The following MIA2 variants were observed in gnomAD, a reference collection of about 807,000 sequenced individuals.
MIA2 encodes the protein melanoma inhibitory activity protein 2.
A neutral mutation model predicts 167.8 loss-of-function variants in MIA2; 127 were observed. The observed-to-expected ratio is 0.76, with a 90% CI of 0.66 to 0.88. The LOEUF is 0.88. MIA2 is among the 40% of genes least tolerant of loss of function. The pLI is 0.00. For synonymous variants in MIA2, 552 were observed against 541.9 expected, an observed-to-expected ratio of 1.02 and a Z score of -0.26; for missense variants, 1,690 against 1,624.7, an observed-to-expected ratio of 1.04 and a Z score of -0.69.
intron 2 of MIA2, among the ~76,000 whole-genome samples, chr14:39,238,811 A>AAAAAAAAAAAACAAAACAAAAAAC: frequency 1.4e-4 from 15 of 103,626 alleles, no homozygotes; most frequent in South Asian, 3.1e-4. Context: ...AAAAAAAAAA[A>AAAAAAAAAAAACAAAACAAAAAAC]CCCAAAAAAC....
intron 9 of MIA2, among the ~76,000 whole-genome samples, chr14:39,284,879 T>C (rs1334899892): frequency 6.6e-6 from 1 of 152,116 alleles, no homozygotes; most frequent in Non-Finnish European, 1.5e-5. Context: ...CTGGTTTTCC[T>C]AGGCAGAGGA....
At chr14:39,268,251 A>G (rs542223341) in intron 6 of MIA2, among the ~76,000 whole-genome samples, 1 of 152,212 alleles carries the variant, frequency 6.6e-6, no homozygotes, top group South Asian at 2.1e-4. Context: ...AAGACCACTT[A>G]ATTATTGAGG....
chr14:39,314,263 T>C (rs1364409839), intron 19 of MIA2, among the ~76,000 whole-genome samples: 5 of 152,026 alleles, frequency 3.3e-5, no homozygotes, highest in African/African-American at 9.7e-5. Context: ...GGTAGGTGCC[T>C]GTAATCCCAG....
intron 23 of MIA2, among the ~76,000 whole-genome samples, chr14:39,384,015 G>A (rs2075220785): frequency 6.6e-6 from 1 of 152,188 alleles, no homozygotes; most frequent in African/African-American, 2.4e-5. Context: ...ATTGATGAAG[G>A]TGGCTACACT....
intron 26 of MIA2, 132 bp from the exon 27 acceptor site, chr14:39,347,581 A>G (rs989823338): frequency 2.5e-6 from 2 of 804,700 alleles, no homozygotes; most frequent in Non-Finnish European, 4.1e-6. Flanking sequence ...TGGCCGCAAT[A>G]TAGGATATTG....
At chr14:39,240,409 T>C in intron 2 of MIA2, 152 bp from the exon 3 acceptor site, 1 of 512,186 alleles carries the variant, frequency 2.0e-6, no homozygotes, top group Non-Finnish European at 3.4e-6. Context: ...AAAAGAATAT[T>C]ATTTCACTCT....
intron 3 of MIA2, among the ~76,000 whole-genome samples, chr14:39,245,885 T>A (rs552315117): frequency 1.9e-4 from 29 of 152,238 alleles, no homozygotes; most frequent in Non-Finnish European, 3.5e-4. Context: ...GTTTCCAATA[T>A]ATGGTTTTTG....
intron 23 of MIA2, among the ~76,000 whole-genome samples, chr14:39,375,094 C>T (rs1163019794): frequency 2.2e-5 from 3 of 137,846 alleles, no homozygotes; most frequent in African/African-American, 8.3e-5. Context: ...AATAAATATT[C>T]TTCCTGCTGC....
At chr14:39,261,305 C>T (rs1459300689) in intron 6 of MIA2, among the ~76,000 whole-genome samples, 1 of 152,160 alleles carries the variant, frequency 6.6e-6, no homozygotes, top group South Asian at 2.1e-4. Flanking sequence ...CATGTCCCTA[C>T]AAAGGACATG....
intron 6 of MIA2, chr14:39,266,648 C>G (rs2055702841): frequency 6.1e-6 from 6 of 985,586 alleles, no homozygotes; most frequent in Non-Finnish European, 6.0e-6. Context: ...GTTGGCAGGG[C>G]GCACCGGCGC....
intron 6 of MIA2, among the ~76,000 whole-genome samples, chr14:39,270,271 G>T (rs2056895339): frequency 6.8e-6 from 1 of 147,724 alleles, no homozygotes; most frequent in African/African-American, 2.5e-5. Context: ...GCATGATCTC[G>T]GCTCACTGCA....
intron 23 of MIA2, among the ~76,000 whole-genome samples, chr14:39,319,842 G>T (rs2152965173): frequency 6.6e-6 from 1 of 152,054 alleles, no homozygotes; most frequent in Non-Finnish European, 1.5e-5. Context: ...TTGAGTTAGG[G>T]TCTGCAGTGA....
Position 39,265,517 on chromosome 14 carries a change from C to G in MIA2, c.1888-11417C>G, listed in dbSNP as rs1264170951. 3 of 898,264 alleles carry G rather than the reference C, an allele frequency of 3.3e-6. No individual in the cohort carries two copies. In the African/African-American group the frequency reaches 5.2e-5, roughly 16 times the overall value. The allele number at this position is 898,264 out of a possible 1,614,324, so 55.6% of individuals were successfully genotyped here. On this transcript the variant is annotated intron_variant, in intron 6 of 28. Transcript: ENST00000640607. ...TACTGTGTTTTTGCTATGGGGGGAA[C>G]TTGGATTTTTCTTTTTTTTTCATTT...
In MIA2 at chr14:39,285,344, C is replaced by T. The variant is rs373685668; in HGVS notation, c.2131-5675C>T. On this transcript the variant is annotated intron_variant, in intron 9 of 28. Transcript: ENST00000640607. ...AGGGGCAGCCGGGCAGAGGCGCCCC[C>T]CCACCTCCCGGACGGGGCGGCGGCC... Among the ~76,000 whole-genome samples the T allele has an allele frequency of 5.6e-4, 85 of 151,668 alleles. 3 individuals are homozygous for T. The South Asian group carries it at 0.01, about 18-fold the overall frequency.
At chr14:39,234,811 A>G (rs2053658074) in intron 1 of MIA2, among the ~76,000 whole-genome samples, 1 of 152,076 alleles carries the variant, frequency 6.6e-6, no homozygotes, top group Non-Finnish European at 1.5e-5. Context: ...TTTTATTTAT[A>G]TCATTGAATA....
chr14:39,350,162 C>A lies in MIA2; in HGVS notation c.4137C>A (p.Pro1379=). Residue 1379 remains proline, a synonymous_variant, in exon 29 of 29, where the codon CCC becomes CCA. Transcript: ENST00000640607. ...PYLPPRPGFF[P]PPPHSEGRSE... is the part of the protein sequence containing the mutation. ...TTCCCCCAAGACCTGGATTTTTCCC[C>A]CCACCCCCACATTCTGAAGGTAGAA... is the stretch of plus-strand genomic sequence containing the variant. The A allele has an allele frequency of 1.4e-6, 2 of 1,410,418 alleles. No individual in the cohort carries two copies. Among genetic ancestry groups the A allele is most frequent in the Non-Finnish European group, 1.9e-6 (2 of 1,029,164 alleles). 87.4% of individuals were successfully genotyped at this position (1,410,418 alleles called of 1,614,324 possible).
chr14:39,366,019 G>A (rs928065443), intron 23 of MIA2, among the ~76,000 whole-genome samples: 2 of 152,080 alleles, frequency 1.3e-5, no homozygotes, highest in Non-Finnish European at 2.9e-5. Flanking sequence ...TTGTTGGTTG[G>A]GTAGGGCACT....
At chr14:39,241,696 C>A (rs1220398221) in intron 3 of MIA2, among the ~76,000 whole-genome samples, 1 of 152,196 alleles carries the variant, frequency 6.6e-6, no homozygotes, top group Non-Finnish European at 1.5e-5. Flanking sequence ...AATCCATTCT[C>A]CAAACAGTAA....
intron 17 of MIA2, among the ~76,000 whole-genome samples, chr14:39,308,129 T>G (rs1313250746): frequency 6.6e-6 from 1 of 152,134 alleles, no homozygotes; most frequent in African/African-American, 2.4e-5. Context: ...GAAGAGAGGA[T>G]TTTGAATGTT....
Sources: allele counts gnomAD v4.1 joint callset (sites outside exome capture counted in the v4.1 genomes callset), GRCh38; gene constraint gnomAD v4.1.1; transcripts MANE v1.5; gene names NCBI Gene and HGNC (gene_info 2026-07-23, HGNC 2026-07-21).